Variants in ARSK observed in about 807,000 individuals in gnomAD.
The protein encoded by ARSK is arylsulfatase K.
In ARSK, 37 loss-of-function variants were observed where a neutral mutation model predicts 53.2. That is an observed-to-expected ratio of 0.70 (90% CI 0.54 to 0.92). The LOEUF (loss-of-function observed/expected upper bound fraction) is 0.92, where lower values mean the gene tolerates loss of function less well. Ranked by LOEUF, ARSK falls within the 40% of genes least tolerant of loss-of-function variation. The pLI is 0.00. For missense variants in ARSK, 613 were observed against 643.0 expected (o/e 0.95, Z 0.51); for synonymous variants, 208 against 223.2 (o/e 0.93, Z 0.61).
At chr5:95,593,436 A>G (rs1398415244) in intron 6 of ARSK, among the ~76,000 whole-genome samples, 2 of 152,180 alleles carry the variant, frequency 1.3e-5, no homozygotes, top group Non-Finnish European at 2.9e-5. Flanking sequence ...GTCATCATAT[A>G]TGTTAGTTAA....
Position 95,583,126 on chromosome 5 carries a change from T to G in ARSK, c.627T>G (p.Pro209=), listed in dbSNP as rs1749047721. ...ACTTGGGATTAAATTTACCACACCC[T>G]TACCCTTCACCATCTTCTGGAGAAA... The part of the protein sequence containing the change: ...VIYLGLNLPH[P]YPSPSSGENF... Residue 209 remains proline (P), a synonymous_variant, in exon 4 of 8, where the codon CCT becomes CCG. Coordinates refer to ENST00000380009, the MANE Select transcript of ARSK (RefSeq NM_198150.3). 1 of 1,610,170 alleles carries G rather than the reference T, an allele frequency of 6.2e-7. No homozygotes were observed. Among genetic ancestry groups the G allele is most frequent in the African/African-American group, 1.3e-5 (1 of 74,872 alleles).
At chr5:95,594,177 A>C (rs1749263296) in intron 6 of ARSK, among the ~76,000 whole-genome samples, 2 of 152,220 alleles carry the variant, frequency 1.3e-5, no homozygotes, top group African/African-American at 4.8e-5. Context: ...TTTATATAAA[A>C]CACTGAAACA....
At chr5:95,569,085 T>A (rs933762190) in intron 3 of ARSK, among the ~76,000 whole-genome samples, 2 of 152,168 alleles carry the variant, frequency 1.3e-5, no homozygotes, top group Non-Finnish European at 2.9e-5. Context: ...TGTAATAAAT[T>A]ATAGCCATGA....
rs534526684 is a variant in ARSK at position 95,555,151 on chromosome 5, C to G, written c.-128C>G. On this transcript the variant is annotated 5_prime_UTR_variant, in exon 1 of 8. Coordinates refer to ENST00000380009, the MANE Select transcript of ARSK (RefSeq NM_198150.3). The surrounding 1 kb of genome is among the most constrained non-coding windows in gnomAD (Gnocchi z 4.0). ...TTGTAGTTCTGCGGGTGAAGCTCGG[C>G]GTTACTATCAAGCAACCAAACTGCA... The G allele has an allele frequency of 1.3e-6, 1 of 770,598 alleles. No homozygotes were observed. The highest frequency in any genetic ancestry group is 1.8e-5 in the African/African-American group (1 of 55,798). 47.7% of individuals were successfully genotyped at this position (770,598 alleles called of 1,614,324 possible).
intron 6 of ARSK, among the ~76,000 whole-genome samples, chr5:95,596,371 G>A (rs1446574273): frequency 1.3e-5 from 2 of 152,072 alleles, no homozygotes; most frequent in Non-Finnish European, 2.9e-5. Context: ...TTCTTTATTA[G>A]TTTAGCTGTA....
Position 95,603,651 on chromosome 5 carries a change from T to G in ARSK, c.*125T>G. The G allele has an allele frequency of 1.2e-6, 1 of 847,128 alleles. No homozygotes were observed. The highest frequency in any genetic ancestry group is 1.7e-6 in the Non-Finnish European group (1 of 593,266). The allele number at this position is 847,128 out of a possible 1,614,324, so 52.5% of individuals were successfully genotyped here. A position where few individuals can be genotyped will look rare whatever the true frequency, so the allele number is the denominator to read the frequency against. Reference sequence around the variant, plus strand: ...TTGGCCGGGCACAGTGGCTCACACCTGTAATCCCAGGACTTTGGGAGGCTG... The same window carrying G: ...TTGGCCGGGCACAGTGGCTCACACCGGTAATCCCAGGACTTTGGGAGGCTG... On this transcript the variant is annotated 3_prime_UTR_variant, in exon 8 of 8. Coordinates refer to ENST00000380009, the MANE Select transcript of ARSK (RefSeq NM_198150.3).
Position 95,603,305 on chromosome 5 carries a change from G to C in ARSK, c.1390G>C (p.Asp464His). 1 of 1,605,434 alleles carries C rather than the reference G, an allele frequency of 6.2e-7. No homozygotes were observed. Among genetic ancestry groups the C allele is most frequent in the Non-Finnish European group, 8.5e-7 (1 of 1,176,198 alleles). The change falls in exon 8 of 8, where the codon GAT (aspartate) becomes CAT (histidine). Residue 464 changes from aspartate (D) to histidine (H), a missense_variant. Transcript: ENST00000380009. ...VKFPEITYSL[D>H]QKLHSIINYP... ...ATTTCCAGAAATTACTTATTCTTTG[G>C]ATCAGAAGCTTCATTCCATTATAAA...
intron 3 of ARSK, among the ~76,000 whole-genome samples, chr5:95,577,232 G>T (rs1489936825): frequency 1.3e-5 from 2 of 152,068 alleles, no homozygotes; most frequent in Non-Finnish European, 2.9e-5. Context: ...AAAAACAAAG[G>T]TTTACAAAAA....
intron 6 of ARSK, among the ~76,000 whole-genome samples, chr5:95,599,666 A>C (rs1480859417): frequency 6.6e-6 from 1 of 152,108 alleles, no homozygotes; most frequent in Non-Finnish European, 1.5e-5. Context: ...AAAAGCCACT[A>C]ATTTTGATTG....
chr5:95,580,671 A>T (rs1175633172), intron 3 of ARSK, among the ~76,000 whole-genome samples: 1 of 152,154 alleles, frequency 6.6e-6, no homozygotes, highest in African/African-American at 2.4e-5. Context: ...TACTCCTCTT[A>T]TTGTGTTTCA....
chr5:95,560,399 A>G (rs1377235743), intron 1 of ARSK, among the ~76,000 whole-genome samples: 1 of 152,144 alleles, frequency 6.6e-6, no homozygotes, highest in African/African-American at 2.4e-5. Flanking sequence ...CTTGAAATAA[A>G]AAGAACAAAG....
chr5:95,578,065 T>TAAAAACAG (rs1748955387), intron 3 of ARSK, among the ~76,000 whole-genome samples: 1 of 152,144 alleles, frequency 6.6e-6, no homozygotes, highest in East Asian at 1.9e-4. Context: ...AAACAGACTG[T>TAAAAACAG]TTTTGGGAGT....
intron 3 of ARSK, among the ~76,000 whole-genome samples, chr5:95,582,333 A>T (rs1016290761): frequency 3.3e-5 from 5 of 152,148 alleles, no homozygotes; most frequent in African/African-American, 9.6e-5. Context: ...TAAATGAGTA[A>T]TAAAGAAAAT....
intron 3 of ARSK, among the ~76,000 whole-genome samples, chr5:95,572,522 TA>T (rs1748850205): frequency 6.6e-6 from 1 of 152,236 alleles, no homozygotes. Flanking sequence ...CTCACGCCTG[TA>T]ATCCCAGCAC....
At position 95,593,038 on chromosome 5, in the gene ARSK, G is replaced by A. The variant is rs1436603013; in HGVS notation, c.1096+1413G>A. ...GTTTATATAGAACTGTGTATATTTGGGTCTCTTTTATTAGTATATTTAGAG... is the reference window on the plus strand; with the variant it reads ...GTTTATATAGAACTGTGTATATTTGAGTCTCTTTTATTAGTATATTTAGAG... On this transcript the variant is annotated intron_variant, in intron 6 of 7. Transcript: ENST00000380009. 3.3e-5 allele frequency among the ~76,000 whole-genome samples: 5 copies of A among 151,320 alleles called. No individual in the cohort carries two copies. In the East Asian group the frequency reaches 9.7e-4, roughly 29 times the overall value.
At chr5:95,581,279 G>C (rs569451665) in intron 3 of ARSK, among the ~76,000 whole-genome samples, 2 of 152,052 alleles carry the variant, frequency 1.3e-5, no homozygotes, top group Admixed American at 6.6e-5. Context: ...ATAAGGAGAA[G>C]GCATAAATTT....
chr5:95,600,782 T>C, intron 6 of ARSK, 65 bp from the exon 7 acceptor site: 2 of 1,400,300 alleles, frequency 1.4e-6, no homozygotes, highest in Non-Finnish European at 2.0e-6. Context: ...ATGATGCTAT[T>C]TGTGAATGTT....
chr5:95,556,162 C>T (rs976769892), intron 1 of ARSK: 2 of 701,314 alleles, frequency 2.9e-6, no homozygotes, highest in Admixed American at 4.0e-5. Context: ...GCATATCTGG[C>T]ACTAAAGAGT....
chr5:95,598,549 T>G (rs989285647), intron 6 of ARSK, among the ~76,000 whole-genome samples: 6 of 152,224 alleles, frequency 3.9e-5, no homozygotes, highest in Non-Finnish European at 7.3e-5. Context: ...CCTGGATTCC[T>G]GCAATAGCTT....
Sources: allele counts gnomAD v4.1 joint callset (sites outside exome capture counted in the v4.1 genomes callset), GRCh38; gene constraint gnomAD v4.1.1; non-coding constraint Gnocchi (gnomAD v3.1); transcripts MANE v1.5; gene names NCBI Gene and HGNC (gene_info 2026-07-23, HGNC 2026-07-21).